The following CHRM3 variants were observed in gnomAD, a reference collection of about 807,000 sequenced individuals.
The protein encoded by CHRM3 is cholinergic receptor muscarinic 3.
Under a neutral mutation model 41.8 loss-of-function variants are expected in CHRM3, and 11 were observed. The ratio of observed to expected loss-of-function variants is 0.26; its 90% CI spans 0.17 to 0.44. The LOEUF (loss-of-function observed/expected upper bound fraction) is 0.44, where lower values mean the gene tolerates loss of function less well. Among genes scored for constraint, CHRM3 ranks in the 20% least tolerant of loss-of-function variants. The pLI, the probability that CHRM3 is intolerant of heterozygous loss-of-function variation, is 1.00. For missense variants in CHRM3, 571 were observed against 745.4 expected (o/e 0.77, Z 2.72); for synonymous variants, 297 against 301.4 (o/e 0.99, Z 0.15).
At chr1:239,650,933 A>C (rs943830928) in intron 4 of CHRM3, among the ~76,000 whole-genome samples, 3 of 152,202 alleles carry the variant, frequency 2.0e-5, no homozygotes, top group Non-Finnish European at 4.4e-5. Flanking sequence ...TTATGCATAA[A>C]ATATGTGCAC....
At chr1:239,419,362 CTTTT>C (rs55633677) in intron 1 of CHRM3, among the ~76,000 whole-genome samples, 42 of 136,570 alleles carry the variant, frequency 3.1e-4, no homozygotes, top group South Asian at 9.3e-4. Context: ...CCGACCCAGC[CTTTT>C]TTTTTTTTTT....
At chr1:239,580,706 C>CAT (rs1375856534) in intron 3 of CHRM3, among the ~76,000 whole-genome samples, 10 of 97,454 alleles carry the variant, frequency 1.0e-4, no homozygotes, top group South Asian at 3.8e-4. Context: ...TATATATATA[C>CAT]ACACACACAC....
chr1:239,813,932 AAAC>A (rs1261979351), intron 5 of CHRM3, among the ~76,000 whole-genome samples: 4 of 149,854 alleles, frequency 2.7e-5, no homozygotes, highest in Non-Finnish European at 5.9e-5. Flanking sequence ...AAAAAAAAAA[AAAC>A]TCACAGTTGT....
At chr1:239,683,578 G>A (rs1298153243) in intron 5 of CHRM3, among the ~76,000 whole-genome samples, 2 of 152,088 alleles carry the variant, frequency 1.3e-5, no homozygotes, top group Admixed American at 6.5e-5. Flanking sequence ...AGATGTGCTA[G>A]GTCTAAAGAT....
chr1:239,819,866 C>A (rs964061426), intron 5 of CHRM3, among the ~76,000 whole-genome samples: 1 of 152,134 alleles, frequency 6.6e-6, no homozygotes, highest in Non-Finnish European at 1.5e-5. Context: ...ATGTGATTGC[C>A]ATGGAATTCC....
Position 239,662,806 on chromosome 1 carries a change from CCCT to C in CHRM3, c.-249-15371_-249-15369del, listed in dbSNP as rs200713730. Among the ~76,000 whole-genome samples, 360 of 150,760 alleles carry C rather than the reference CCCT, an allele frequency of 2.4e-3. 2 individuals carry two copies. Among genetic ancestry groups the C allele is most frequent in the African/African-American group, 7.9e-3 (326 of 41,042 alleles). On this transcript the variant is annotated intron_variant, in intron 4 of 6. Transcript: ENST00000676153. Reference sequence around the variant, plus strand: ...CTCCTTTGTCCTCTTCTTCTTTCTTCCCTCCTCCTCCACTTCCTCTTCCTCCTC... The same window carrying C: ...CTCCTTTGTCCTCTTCTTCTTTCTTCCCTCCTCCACTTCCTCTTCCTCCTC...
chr1:239,541,230 G>C (rs1213591150), intron 2 of CHRM3, among the ~76,000 whole-genome samples: 1 of 151,874 alleles, frequency 6.6e-6, no homozygotes, highest in Non-Finnish European at 1.5e-5. Context: ...TGTGACTTTA[G>C]TCAAGAAAAA....
intron 2 of CHRM3, among the ~76,000 whole-genome samples, chr1:239,535,344 A>G (rs1658090597): frequency 6.6e-6 from 1 of 151,724 alleles, no homozygotes; most frequent in Non-Finnish European, 1.5e-5. Context: ...AAACCTCTCC[A>G]TGTATGTTGT....
At chr1:239,774,250 C>T (rs1667916043) in intron 5 of CHRM3, among the ~76,000 whole-genome samples, 1 of 152,146 alleles carries the variant, frequency 6.6e-6, no homozygotes. Context: ...TTCCATTCCA[C>T]TGGTGTCACT....
At chr1:239,465,969 A>T (rs1451201635) in intron 1 of CHRM3, among the ~76,000 whole-genome samples, 2 of 152,038 alleles carry the variant, frequency 1.3e-5, no homozygotes, top group Non-Finnish European at 2.9e-5. Context: ...GAAAACGTTT[A>T]TGATGATCCA....
intron 4 of CHRM3, among the ~76,000 whole-genome samples, chr1:239,637,514 A>C (rs1019841239): frequency 1.6e-5 from 2 of 127,568 alleles, no homozygotes; most frequent in African/African-American, 5.8e-5. Context: ...CTTTCATCAA[A>C]GTCTTTTTTT....
At chr1:239,517,976 C>T (rs1000765992) in intron 2 of CHRM3, among the ~76,000 whole-genome samples, 3 of 151,976 alleles carry the variant, frequency 2.0e-5, no homozygotes, top group Non-Finnish European at 4.4e-5. Context: ...CGTGGTGGCA[C>T]GTGCCTGTAG....
intron 5 of CHRM3, among the ~76,000 whole-genome samples, chr1:239,729,204 G>A (rs1444718647): frequency 6.6e-6 from 1 of 151,822 alleles, no homozygotes; most frequent in African/African-American, 2.4e-5. Flanking sequence ...ATGTTGGGAT[G>A]GAGCAGTAAA....
At chr1:239,406,035 G>A (rs1303217493) in intron 1 of CHRM3, among the ~76,000 whole-genome samples, 2 of 152,086 alleles carry the variant, frequency 1.3e-5, no homozygotes, top group Non-Finnish European at 2.9e-5. Context: ...GGGACTACAG[G>A]CACCTGCCAC....
At chr1:239,482,027 C>T (rs534016965) in intron 1 of CHRM3, among the ~76,000 whole-genome samples, 2 of 152,060 alleles carry the variant, frequency 1.3e-5, no homozygotes, top group East Asian at 1.9e-4. Context: ...AAGCATGTTT[C>T]GAAGACAATT....
intron 2 of CHRM3, among the ~76,000 whole-genome samples, chr1:239,517,590 G>T (rs747414292): frequency 6.6e-6 from 1 of 152,122 alleles, no homozygotes; most frequent in African/African-American, 2.4e-5. Flanking sequence ...TCAATTACCA[G>T]TCATTATTGA....
At chr1:239,595,256 G>T (rs983410491) in intron 3 of CHRM3, among the ~76,000 whole-genome samples, 3 of 152,172 alleles carry the variant, frequency 2.0e-5, no homozygotes, top group Non-Finnish European at 4.4e-5. Context: ...AGGAAGATGT[G>T]CATAGGTTAT....
intron 1 of CHRM3, among the ~76,000 whole-genome samples, chr1:239,402,185 C>A (rs994309858): frequency 2.0e-5 from 3 of 152,092 alleles, no homozygotes; most frequent in Non-Finnish European, 2.9e-5. Flanking sequence ...CCAAAATATT[C>A]CACTCTTCCT....
intron 4 of CHRM3, among the ~76,000 whole-genome samples, chr1:239,632,688 T>C (rs898041882): frequency 1.3e-5 from 2 of 152,238 alleles, no homozygotes; most frequent in Admixed American, 6.5e-5. Flanking sequence ...TTCAGAATGC[T>C]GTACAAAATA....
Sources: allele counts gnomAD v4.1 joint callset (sites outside exome capture counted in the v4.1 genomes callset), GRCh38; gene constraint gnomAD v4.1.1; transcripts MANE v1.5; gene names NCBI Gene and HGNC (gene_info 2026-07-23, HGNC 2026-07-21).